CRIM1: variants seen among roughly 807,000 people sequenced by gnomAD.
CRIM1 encodes cysteine-rich motor neuron 1 protein.
In CRIM1, 32 loss-of-function variants were observed where a neutral mutation model predicts 116.4. That is an observed-to-expected ratio of 0.27 (90% CI 0.21 to 0.37). The LOEUF is 0.37. CRIM1 is among the 10% of genes least tolerant of loss of function. The probability of loss-of-function intolerance (pLI) is 1.00; values close to 1 mark genes in which losing one functional copy is unlikely to be tolerated. For synonymous variants in CRIM1, 590 were observed against 509.2 expected (o/e 1.16, Z -2.13); for missense variants, 1,331 against 1,354.8 (o/e 0.98, Z 0.28).
At position 36,504,472 on chromosome 2, in the gene CRIM1, T is replaced by A. The variant is rs139236913; in HGVS notation, c.1501+5125T>A. On this transcript the variant is annotated intron_variant, in intron 8 of 16. Transcript: ENST00000280527. ...ATGTGCTTCAAAAGTATGTGGCAAG[T>A]ATATGATACAGAATTCTTTCATTTG... is the stretch of plus-strand genomic sequence containing the variant. Among the ~76,000 whole-genome samples, 262 of 152,302 alleles carry A rather than the reference T, an allele frequency of 1.7e-3. 1 individual carries two copies. Among genetic ancestry groups the A allele is most frequent in the African/African-American group, 6.2e-3 (257 of 41,562 alleles).
At chr2:36,383,073 A>G (rs1397174376) in intron 1 of CRIM1, among the ~76,000 whole-genome samples, 5 of 152,206 alleles carry the variant, frequency 3.3e-5, no homozygotes, top group African/African-American at 4.8e-5. Context: ...TTTCCACTCT[A>G]AATACCAACT....
intron 2 of CRIM1, among the ~76,000 whole-genome samples, chr2:36,410,369 A>G (rs1337885245): frequency 6.6e-6 from 1 of 152,160 alleles, no homozygotes; most frequent in Non-Finnish European, 1.5e-5. Context: ...GGAATTTAAT[A>G]ATGTTAAAAA....
intron 8 of CRIM1, among the ~76,000 whole-genome samples, chr2:36,507,342 G>A (rs1681502900): frequency 6.6e-6 from 1 of 152,174 alleles, no homozygotes; most frequent in Admixed American, 6.5e-5. Flanking sequence ...TGTTATCAGA[G>A]TAAGTTATTT....
At chr2:36,471,509 A>G (rs556094408) in intron 5 of CRIM1, among the ~76,000 whole-genome samples, 1 of 152,288 alleles carries the variant, frequency 6.6e-6, no homozygotes, top group East Asian at 1.9e-4. Context: ...AAAGATTACT[A>G]TTTACTGAAG....
At chr2:36,485,308 A>G (rs1291409148) in intron 7 of CRIM1, among the ~76,000 whole-genome samples, 1 of 152,194 alleles carries the variant, frequency 6.6e-6, no homozygotes, top group Non-Finnish European at 1.5e-5. Context: ...TGAAGACTGG[A>G]TGTCAGGCAC....
At chr2:36,503,227 C>T (rs1228587843) in intron 8 of CRIM1, among the ~76,000 whole-genome samples, 1 of 152,178 alleles carries the variant, frequency 6.6e-6, no homozygotes, top group Non-Finnish European at 1.5e-5. Context: ...TTGTGTTGCA[C>T]AGAAGCTGAG....
At position 36,503,842 on chromosome 2, in the gene CRIM1, C is replaced by T. The variant is rs1018075173; in HGVS notation, c.1501+4495C>T. On this transcript the variant is annotated intron_variant, in intron 8 of 16. Coordinates refer to ENST00000280527, the MANE Select transcript of CRIM1 (RefSeq NM_016441.3). ...AGTCCTAAGCATTTATACCTGTTTTCTCTTAAGGATTAGGCCTAGTTTCCA... is the reference window on the plus strand; with the variant it reads ...AGTCCTAAGCATTTATACCTGTTTTTTCTTAAGGATTAGGCCTAGTTTCCA... Among the ~76,000 whole-genome samples the T allele has an allele frequency of 2.0e-5, 3 of 152,006 alleles. No homozygotes were observed. The South Asian group carries it at 6.3e-4, about 32-fold the overall frequency.
chr2:36,547,231 T>G (rs918282897), intron 16 of CRIM1, 60 bp downstream of exon 16: 2 of 1,335,350 alleles, frequency 1.5e-6, no homozygotes, highest in Non-Finnish European at 2.1e-6. Context: ...TACACTCATA[T>G]TGAAATTGCT....
At position 36,522,223 on chromosome 2, in the gene CRIM1, A is replaced by G. The variant is rs1216515216; in HGVS notation, c.2338A>G (p.Ser780Gly). 6.2e-7 allele frequency: 1 copy of G among 1,614,146 alleles called. No homozygotes were observed. The highest frequency in any genetic ancestry group is 8.5e-7 in the Non-Finnish European group (1 of 1,180,000). ...TTGTACCAGCTGCATCTGCATTGAT[A>G]GCGTAATTAGCTGTTTCTCTGAGTC... is the stretch of plus-strand genomic sequence containing the variant. Reference protein sequence around the residue: ...DVCTSCICIDSVISCFSESCP... With the variant: ...DVCTSCICIDGVISCFSESCP... Residue 780 changes from serine (S) to glycine (G), a missense_variant, in exon 13 of 17, where the codon AGC (serine) becomes GGC (glycine). Around this residue, in one of 3 missense-constraint regions of CRIM1, gnomAD observed 358 missense variants for 436.1 expected, o/e 0.82. Coordinates refer to ENST00000280527, the MANE Select transcript of CRIM1 (RefSeq NM_016441.3).
At chr2:36,395,038 G>A (rs900121134) in intron 1 of CRIM1, among the ~76,000 whole-genome samples, 8 of 143,318 alleles carry the variant, frequency 5.6e-5, no homozygotes, top group East Asian at 2.0e-4. Flanking sequence ...TTTTTGAGGC[G>A]GAGTTTCACT....
chr2:36,444,304 A>G lies in CRIM1; in HGVS notation c.869+1569A>G, dbSNP rs376444642. Reference sequence around the variant, plus strand: ...CTACAGGAAGGTATATTTAGTCTCAATTTAAGAAGAAACTTTCCCACAACT... The same window carrying G: ...CTACAGGAAGGTATATTTAGTCTCAGTTTAAGAAGAAACTTTCCCACAACT... On this transcript the variant is annotated intron_variant, in intron 4 of 16. Transcript: ENST00000280527. 5.3e-5 allele frequency among the ~76,000 whole-genome samples: 8 copies of G among 152,338 alleles called. No homozygotes were observed. The East Asian group carries it at 1.2e-3, about 22-fold the overall frequency.
intron 8 of CRIM1, among the ~76,000 whole-genome samples, chr2:36,504,985 C>A (rs779736416): frequency 6.6e-6 from 1 of 152,180 alleles, no homozygotes; most frequent in African/African-American, 2.4e-5. Context: ...AATTCTGCAT[C>A]AGTCAGCAGA....
At chr2:36,514,526 G>C (rs1021173216) in intron 11 of CRIM1, among the ~76,000 whole-genome samples, 1 of 152,200 alleles carries the variant, frequency 6.6e-6, no homozygotes, top group Non-Finnish European at 1.5e-5. Context: ...AACAGACACA[G>C]AAAGATTGAC....
chr2:36,462,917 G>A (rs1677696154), intron 4 of CRIM1, among the ~76,000 whole-genome samples: 1 of 152,180 alleles, frequency 6.6e-6, no homozygotes, highest in Non-Finnish European at 1.5e-5. Flanking sequence ...TAAAAGCCCA[G>A]CTCACATTTA....
At chr2:36,435,913 T>C (rs1382202026) in intron 2 of CRIM1, among the ~76,000 whole-genome samples, 1 of 114,638 alleles carries the variant, frequency 8.7e-6, no homozygotes, top group Non-Finnish European at 1.7e-5. Flanking sequence ...GGTCTTTCTA[T>C]ATCTGGGCAG....
chr2:36,546,852 A>T, intron 15 of CRIM1, 132 bp from the exon 16 acceptor site: 1 of 558,306 alleles, frequency 1.8e-6, no homozygotes, highest in Non-Finnish European at 3.1e-6. Flanking sequence ...ATTAGATTTT[A>T]ATCACATTTT....
At chr2:36,432,283 T>G (rs527383733) in intron 2 of CRIM1, among the ~76,000 whole-genome samples, 2 of 152,212 alleles carry the variant, frequency 1.3e-5, no homozygotes, top group Non-Finnish European at 2.9e-5. Flanking sequence ...TGTACATTTA[T>G]CTAAACCATC....
At chr2:36,483,303 A>G (rs1467358538) in intron 7 of CRIM1, among the ~76,000 whole-genome samples, 2 of 152,192 alleles carry the variant, frequency 1.3e-5, no homozygotes, top group Non-Finnish European at 2.9e-5. Context: ...AAAACTAAAA[A>G]CAAAAAAGAG....
At chr2:36,500,416 C>T (rs1680903788) in intron 8 of CRIM1, among the ~76,000 whole-genome samples, 1 of 152,120 alleles carries the variant, frequency 6.6e-6, no homozygotes, top group Non-Finnish European at 1.5e-5. Flanking sequence ...AATTGCACTT[C>T]GTTGGCTGAT....
Sources: allele counts gnomAD v4.1 joint callset (sites outside exome capture counted in the v4.1 genomes callset), GRCh38; gene constraint gnomAD v4.1.1; regional missense constraint gnomAD v4.1.1; transcripts MANE v1.5; gene names NCBI Gene and HGNC (gene_info 2026-07-23, HGNC 2026-07-21).